LLPH: variants seen among roughly 807,000 people sequenced by gnomAD.
LLPH encodes the protein protein LLP homolog.
LLPH carries 5 observed loss-of-function variants against 13.3 expected under a neutral mutation model. The observed-to-expected ratio is 0.38, with a 90% CI of 0.20 to 0.79. The LOEUF (loss-of-function observed/expected upper bound fraction) is 0.79, where lower values mean the gene tolerates loss of function less well. Ranked by LOEUF, LLPH falls within the 30% of genes least tolerant of loss-of-function variation. The pLI, the probability that LLPH is intolerant of heterozygous loss-of-function variation, is 0.45. For missense variants in LLPH, 129 were observed against 152.1 expected (o/e 0.85, Z 0.80); for synonymous variants, 32 against 44.2 (o/e 0.72, Z 1.09).
Position 66,121,246 on chromosome 12 carries a change from A to G in LLPH, c.*2594T>C, listed in dbSNP as rs1237360250. 1.3e-5 allele frequency: 2 copies of G among 151,806 alleles called. No individual in the cohort carries two copies. The highest frequency in any genetic ancestry group is 6.6e-5 in the Admixed American group (1 of 15,236). The allele number at this position is 151,806 out of a possible 1,614,324, so 9.4% of individuals were successfully genotyped here. A position where few individuals can be genotyped will look rare whatever the true frequency, so the allele number is the denominator to read the frequency against. On this transcript the variant is annotated 3_prime_UTR_variant, in exon 3 of 3. Coordinates refer to ENST00000266604, the MANE Select transcript of LLPH (RefSeq NM_032338.4). ...ACCTGACAATGCTGCCAAAATGTAA[A>G]TAAGTGCCAACTGTGTAATATCACG...
rs746148181 is a variant in LLPH at position 66,128,918 on chromosome 12, T to C, written c.189A>G (p.Gln63=). The C allele has an allele frequency of 3.7e-6, 6 of 1,611,792 alleles. No individual in the cohort carries two copies. The highest frequency in any genetic ancestry group is 1.1e-5 in the South Asian group (1 of 90,858). ...CACCTTTTTCATCTTTTACCTCACA[T>C]TGCATTTTCTCTTGGCAATGTTTGG... ...PKPKHCQEKM[Q]CEVKDEKDDM... is the part of the protein sequence containing the mutation. Residue 63 remains glutamine, a synonymous_variant, in exon 2 of 3, where the codon CAA becomes CAG. Transcript: ENST00000266604.
chr12:66,116,645 A>C lies in LLPH; in HGVS notation c.*7195T>G, dbSNP rs1244607677. 2 of 152,348 alleles carry C rather than the reference A, an allele frequency of 1.3e-5. No individual in the cohort carries two copies. Among genetic ancestry groups the C allele is most frequent in the Non-Finnish European group, 2.9e-5 (2 of 68,026 alleles). 9.4% of individuals were successfully genotyped at this position (152,348 alleles called of 1,614,324 possible). ...TGATACACAACACCCAACTAAGACT[A>C]TTTAAAGGTTTTGCTGATATTGAAA... On this transcript the variant is annotated 3_prime_UTR_variant, in exon 3 of 3. Coordinates refer to ENST00000266604, the MANE Select transcript of LLPH (RefSeq NM_032338.4).
intron 2 of LLPH, among the ~76,000 whole-genome samples, chr12:66,127,825 T>A (rs1037011251): frequency 2.0e-5 from 3 of 152,314 alleles, no homozygotes; most frequent in Middle Eastern, 3.4e-3. Flanking sequence ...AATTTTTCTT[T>A]CTTTCTTTTG....
At position 66,123,075 on chromosome 12, in the gene LLPH, C is replaced by T. The variant is rs1436810393; in HGVS notation, c.*765G>A. The T allele has an allele frequency of 6.6e-6, 1 of 151,516 alleles. No individual in the cohort carries two copies. The highest frequency in any genetic ancestry group is 6.6e-5 in the Admixed American group (1 of 15,200). 9.4% of individuals were successfully genotyped at this position (151,516 alleles called of 1,614,324 possible). On this transcript the variant is annotated 3_prime_UTR_variant, in exon 3 of 3. Transcript: ENST00000266604. ...AAAATCAGACTTGAAGATCTACACA[C>T]AAAATATCTTTTATTCTGTGGAATC...
rs755565172 is a variant in LLPH at position 66,128,761 on chromosome 12, G to A, written c.211+135C>T. The A allele has an allele frequency of 4.9e-5, 32 of 650,752 alleles. 1 individual carries two copies. Among genetic ancestry groups the A allele is most frequent in the South Asian group, 1.8e-4 (9 of 50,690 alleles). 40.3% of individuals were successfully genotyped at this position (650,752 alleles called of 1,614,324 possible). A position where few individuals can be genotyped will look rare whatever the true frequency, so the allele number is the denominator to read the frequency against. Reference sequence around the variant, plus strand: ...TGGAAGGCTGAGGTGGGAAGAATCCGCTTCAGCTCAGGAATTCAAGGCTGC... The same window carrying A: ...TGGAAGGCTGAGGTGGGAAGAATCCACTTCAGCTCAGGAATTCAAGGCTGC... On this transcript the variant is annotated intron_variant, in intron 2 of 2. Coordinates refer to ENST00000266604, the MANE Select transcript of LLPH (RefSeq NM_032338.4).
intron 2 of LLPH, among the ~76,000 whole-genome samples, chr12:66,126,272 C>G (rs977623525): frequency 6.7e-6 from 1 of 148,728 alleles, no homozygotes; most frequent in South Asian, 2.1e-4. Flanking sequence ...TGCAGTGAGC[C>G]GAGATCATGC....
rs931379243 is a variant in LLPH, at chr12:66,117,466, G to A, written c.*6374C>T. ...CATCACAGTGCAATGCATTACTCAC[G>A]TGTTTGTGGTGATGCTGGTGTAAAC... On this transcript the variant is annotated 3_prime_UTR_variant, in exon 3 of 3. Coordinates refer to ENST00000266604, the MANE Select transcript of LLPH (RefSeq NM_032338.4). 1.3e-5 allele frequency: 2 copies of A among 152,204 alleles called. No individual in the cohort carries two copies. The highest frequency in any genetic ancestry group is 4.8e-5 in the African/African-American group (2 of 41,450). 9.4% of individuals were successfully genotyped at this position (152,204 alleles called of 1,614,324 possible).
At position 66,117,841 on chromosome 12, in the gene LLPH, T is replaced by C. The variant is rs2051438497; in HGVS notation, c.*5999A>G. 6.6e-6 allele frequency: 1 copy of C among 151,964 alleles called. No homozygotes were observed. Among genetic ancestry groups the C allele is most frequent in the Admixed American group, 6.6e-5 (1 of 15,248 alleles). The allele number at this position is 151,964 out of a possible 1,614,324, so 9.4% of individuals were successfully genotyped here. On this transcript the variant is annotated 3_prime_UTR_variant, in exon 3 of 3. Coordinates refer to ENST00000266604, the MANE Select transcript of LLPH (RefSeq NM_032338.4). ...AAACTTAAGAAGTAAAAAAAGAAATTAAAAAATTAAAAATTGTGGAAATAG... is the reference window on the plus strand; with the variant it reads ...AAACTTAAGAAGTAAAAAAAGAAATCAAAAAATTAAAAATTGTGGAAATAG...
At chr12:66,130,497 G>A (rs1208005768) in intron 1 of LLPH, 18 of 152,168 alleles carry the variant, frequency 1.2e-4, no homozygotes, top group Admixed American at 1.0e-3. Context: ...GAACGACAGG[G>A]GTGGGCTCCA....
Position 66,123,857 on chromosome 12 carries a change from T to C in LLPH, c.373A>G (p.Lys125Glu). The part of the protein sequence containing the change: ...KSKAKAVKVA[K>E]GLAW ...TTAAGAGTCTACCAGGCCAAACCCT[T>C]TGCCACTTTCACTGCTTTTGCTTTG... is the stretch of plus-strand genomic sequence containing the variant. Residue 125 changes from lysine to glutamate, a missense_variant, in exon 3 of 3, where the codon AAG becomes GAG. Lys to Glu is a moderately conservative substitution (Grantham distance 56). Coordinates refer to ENST00000266604, the MANE Select transcript of LLPH (RefSeq NM_032338.4). 1 of 1,612,062 alleles carries C rather than the reference T, an allele frequency of 6.2e-7. No homozygotes were observed. The highest frequency in any genetic ancestry group is 2.2e-5 in the East Asian group (1 of 44,878).
In LLPH at chr12:66,119,612, T is replaced by G. The variant is rs907191036; in HGVS notation, c.*4228A>C. ...CATATATTTTGTGTTTAGCACAAAT[T>G]TGAATCACTCTGCCAGATGGCATCA... On this transcript the variant is annotated 3_prime_UTR_variant, in exon 3 of 3. Coordinates refer to ENST00000266604, the MANE Select transcript of LLPH (RefSeq NM_032338.4). The G allele has an allele frequency of 9.9e-5, 15 of 152,244 alleles. No homozygotes were observed. The highest frequency in any genetic ancestry group is 3.6e-4 in the African/African-American group (15 of 41,460). The allele number at this position is 152,244 out of a possible 1,614,324, so 9.4% of individuals were successfully genotyped here.
chr12:66,123,891 C>G lies in LLPH; in HGVS notation c.339G>C (p.Lys113Asn). 2 of 1,612,372 alleles carry G rather than the reference C, an allele frequency of 1.2e-6. No individual in the cohort carries two copies. The highest frequency in any genetic ancestry group is 1.7e-6 in the Non-Finnish European group (2 of 1,179,800). The change falls in exon 3 of 3, where the codon AAG becomes AAC. Residue 113 changes from lysine to asparagine, a missense_variant. Lys to Asn is a moderately conservative substitution (Grantham distance 94). Coordinates refer to ENST00000266604, the MANE Select transcript of LLPH (RefSeq NM_032338.4). ...KRLKAKREKR[K>N]GKSKAKAVKV... ...TCACTGCTTTTGCTTTGCTTTTCCC[C>G]TTTCTTTTCTCTCGCTTTGCCTTCA...
chr12:66,127,187 TCCAC>T (rs2051502803), intron 2 of LLPH, among the ~76,000 whole-genome samples: 2 of 152,052 alleles, frequency 1.3e-5, no homozygotes, highest in Non-Finnish European at 2.9e-5. Context: ...ACCCAGCAAT[TCCAC>T]TTATCAAACA....
At chr12:66,128,654 C>A (rs1398953616) in intron 2 of LLPH, among the ~76,000 whole-genome samples, 1 of 151,988 alleles carries the variant, frequency 6.6e-6, no homozygotes, top group East Asian at 1.9e-4. Context: ...TATACATGAA[C>A]AGGCTTGACA....
Position 66,123,547 on chromosome 12 carries a change from CA to C in LLPH, c.*292del, listed in dbSNP as rs1248209249. On this transcript the variant is annotated 3_prime_UTR_variant, in exon 3 of 3. Transcript: ENST00000266604. ...TGACTATAATTACCAGTTGTAAGAA[CA>C]ATTCTAACCATATTAATACCTGACA... 2.9e-6 allele frequency: 1 copy of C among 339,480 alleles called. No homozygotes were observed. Among genetic ancestry groups the C allele is most frequent in the Non-Finnish European group, 5.3e-6 (1 of 188,894 alleles). The allele number at this position is 339,480 out of a possible 1,614,324, so 21.0% of individuals were successfully genotyped here. A position where few individuals can be genotyped will look rare whatever the true frequency, so the allele number is the denominator to read the frequency against.
intron 2 of LLPH, 42 bp downstream of exon 2, chr12:66,128,854 A>G: frequency 4.5e-6 from 6 of 1,326,202 alleles, no homozygotes; most frequent in Non-Finnish European, 6.2e-6. Context: ...GCCTCAAAAA[A>G]AAAAAAAAAA....
chr12:66,130,524 C>G (rs1176220556), intron 1 of LLPH, 181 bp downstream of exon 1: 7 of 152,242 alleles, frequency 4.6e-5, no homozygotes, highest in Admixed American at 2.0e-4. Context: ...CCAGTGCACT[C>G]GGAAGCCGGA....
intron 1 of LLPH, among the ~76,000 whole-genome samples, chr12:66,129,973 T>G (rs999822781): frequency 6.6e-5 from 10 of 152,028 alleles, no homozygotes; most frequent in Admixed American, 2.6e-4. Flanking sequence ...CTCCCTCATA[T>G]ATATTCAAGA....
rs916978293 is a variant in LLPH, at chr12:66,116,703, G to A, written c.*7137C>T. The A allele has an allele frequency of 3.9e-5, 6 of 152,220 alleles. No individual in the cohort carries two copies. The highest frequency in any genetic ancestry group is 8.8e-5 in the Non-Finnish European group (6 of 68,036). 9.4% of individuals were successfully genotyped at this position (152,220 alleles called of 1,614,324 possible). A position where few individuals can be genotyped will look rare whatever the true frequency, so the allele number is the denominator to read the frequency against. The stretch of plus-strand genomic sequence containing the variant: ...AGACACAATGTGAGAGTAAGAAAGT[G>A]TTTCATAAGATAGCATAATGCCAAG... On this transcript the variant is annotated 3_prime_UTR_variant, in exon 3 of 3. Coordinates refer to ENST00000266604, the MANE Select transcript of LLPH (RefSeq NM_032338.4).
Sources: allele counts gnomAD v4.1 joint callset (sites outside exome capture counted in the v4.1 genomes callset), GRCh38; gene constraint gnomAD v4.1.1; transcripts MANE v1.5; gene names NCBI Gene and HGNC (gene_info 2026-07-23, HGNC 2026-07-21).